ACOT13: variants seen among roughly 807,000 people sequenced by gnomAD.
ACOT13 encodes acyl-coenzyme A thioesterase 13.
Under a neutral mutation model 11.8 loss-of-function variants are expected in ACOT13, and 10 were observed. The observed-to-expected ratio is 0.85, with a 90% CI of 0.53 to 1.44. ACOT13 has a LOEUF of 1.44. Ranked by LOEUF, ACOT13 falls within the 40% of genes most tolerant of loss-of-function variation. ACOT13 has a pLI of 0.00. For synonymous variants in ACOT13, 53 were observed against 61.0 expected (o/e 0.87, Z 0.61); for missense variants, 172 against 174.1 (o/e 0.99, Z 0.07).
Position 24,667,299 on chromosome 6 carries a change from A to G in ACOT13, c.36A>G (p.Ile12Met). The part of the protein sequence containing the change: ...TSMTQSLREV[I>M]KAMTKARNFE... ...TGACTCAGTCTCTGCGGGAGGTGAT[A>G]AAGGCCATGACCAAGGCTCGCAATT... Residue 12 changes from isoleucine to methionine, a missense_variant, in exon 1 of 3, where the codon ATA becomes ATG. Transcript: ENST00000230048. 6.2e-7 allele frequency: 1 copy of G among 1,614,228 alleles called. No individual in the cohort carries two copies. The highest frequency in any genetic ancestry group is 1.1e-5 in the South Asian group (1 of 91,080).
At chr6:24,673,997 A>T (rs986320561) in intron 1 of ACOT13, among the ~76,000 whole-genome samples, 1 of 152,050 alleles carries the variant, frequency 6.6e-6, no homozygotes, top group African/African-American at 2.4e-5. Context: ...CATCTCTCTT[A>T]TTTCCTGATT....
chr6:24,689,963 A>G (rs1361449373), intron 1 of ACOT13, among the ~76,000 whole-genome samples: 2 of 152,232 alleles, frequency 1.3e-5, no homozygotes, highest in Non-Finnish European at 2.9e-5. Context: ...TTTCTCTGCC[A>G]TGGAACATAG....
rs1778827525 is a variant in ACOT13 at position 24,698,056 on chromosome 6, T to C, written c.255T>C (p.Asp85=). 2.5e-6 allele frequency: 4 copies of C among 1,608,018 alleles called. No homozygotes were observed. Among genetic ancestry groups the C allele is most frequent in the Non-Finnish European group, 2.5e-6 (3 of 1,177,524 alleles). ...GGGGAGCACCCGGAGTCAGTGTCGA[T>C]ATGAACATAACGTATGTATCCAAAC... The part of the protein sequence containing the change: ...TERGAPGVSV[D]MNITYMSPAK... Residue 85 remains aspartate (D), a synonymous_variant, in exon 2 of 3, where the codon GAT becomes GAC. Transcript: ENST00000230048.
At chr6:24,667,503 G>A (rs1043867328) in intron 1 of ACOT13, among the ~76,000 whole-genome samples, 159 bp downstream of exon 1, 1 of 152,156 alleles carries the variant, frequency 6.6e-6, no homozygotes, top group Non-Finnish European at 1.5e-5. Flanking sequence ...CTTTAATGGA[G>A]CCCCTAAATA....
At chr6:24,671,397 TTG>T (rs1778362588) in intron 1 of ACOT13, among the ~76,000 whole-genome samples, 1 of 151,176 alleles carries the variant, frequency 6.6e-6, no homozygotes, top group Non-Finnish European at 1.5e-5. Context: ...TCACTCATAG[TTG>T]GGAATTGAAC....
chr6:24,690,445 G>C (rs1273424918), intron 1 of ACOT13, among the ~76,000 whole-genome samples: 1 of 152,138 alleles, frequency 6.6e-6, no homozygotes, highest in African/African-American at 2.4e-5. Context: ...TGTGATAGAG[G>C]CCTTCAGAGC....
intron 2 of ACOT13, 137 bp downstream of exon 2, chr6:24,698,204 G>T: frequency 1.3e-6 from 1 of 785,596 alleles, no homozygotes; most frequent in Non-Finnish European, 1.8e-6. Context: ...TATAGATTTT[G>T]TCCTAAAATA....
chr6:24,678,092 T>A (rs532049810), intron 1 of ACOT13, among the ~76,000 whole-genome samples: 37 of 152,252 alleles, frequency 2.4e-4, no homozygotes, highest in African/African-American at 8.2e-4. Flanking sequence ...TTGGCTCAAG[T>A]CTTGGGCTAA....
Position 24,702,679 on chromosome 6 carries a change from AAAAAT to A in ACOT13, c.*1071_*1075del, listed in dbSNP as rs1437956551. On this transcript the variant is annotated 3_prime_UTR_variant, in exon 3 of 3. Coordinates refer to ENST00000230048, the MANE Select transcript of ACOT13 (RefSeq NM_018473.4). ...AATATATGAACTACAGCCCATATTG[AAAAAT>A]AAAATAGATTGAGCCATATGCCTAA... 6.6e-6 allele frequency: 1 copy of A among 152,156 alleles called. No homozygotes were observed. Among genetic ancestry groups the A allele is most frequent in the Non-Finnish European group, 1.5e-5 (1 of 68,032 alleles). 9.4% of individuals were successfully genotyped at this position (152,156 alleles called of 1,614,324 possible). A position where few individuals can be genotyped will look rare whatever the true frequency, so the allele number is the denominator to read the frequency against.
At chr6:24,690,985 T>C (rs1387244053) in intron 1 of ACOT13, among the ~76,000 whole-genome samples, 1 of 152,274 alleles carries the variant, frequency 6.6e-6, no homozygotes, top group Non-Finnish European at 1.5e-5. Flanking sequence ...TAGAACTTTC[T>C]GTATATTATT....
At chr6:24,682,764 AC>A (rs1778574340) in intron 1 of ACOT13, among the ~76,000 whole-genome samples, 1 of 151,880 alleles carries the variant, frequency 6.6e-6, no homozygotes, top group South Asian at 2.1e-4. Context: ...ACAAACATGG[AC>A]CAGAAGAGTG....
At chr6:24,698,412 C>T (rs1296318855) in intron 2 of ACOT13, among the ~76,000 whole-genome samples, 1 of 152,132 alleles carries the variant, frequency 6.6e-6, no homozygotes, top group Non-Finnish European at 1.5e-5. Flanking sequence ...CAGGGCCAGA[C>T]GCAGTGGCTC....
chr6:24,693,850 A>G (rs1275141679), intron 1 of ACOT13, among the ~76,000 whole-genome samples: 1 of 151,830 alleles, frequency 6.6e-6, no homozygotes, highest in Non-Finnish European at 1.5e-5. Flanking sequence ...CAGCCTCCCA[A>G]GTAGTTGGGA....
At chr6:24,694,184 C>G (rs143310561) in intron 1 of ACOT13, among the ~76,000 whole-genome samples, 2 of 152,220 alleles carry the variant, frequency 1.3e-5, no homozygotes, top group Non-Finnish European at 2.9e-5. Flanking sequence ...TGCCAACCTA[C>G]TGCAATTGTC....
chr6:24,687,585 AGAG>A, intron 1 of ACOT13: 1 of 1,464,054 alleles, frequency 6.8e-7, no homozygotes, highest in Non-Finnish European at 9.0e-7. Flanking sequence ...TGAGATGTCA[AGAG>A]GAGGAACACA....
intron 1 of ACOT13, 52 bp downstream of exon 1, chr6:24,667,396 C>CA (rs1453911687): frequency 4.5e-6 from 7 of 1,547,946 alleles, no homozygotes; most frequent in Non-Finnish European, 5.3e-6. Context: ...GAAAAGAAAG[C>CA]ACCGTGCTTG....
chr6:24,694,937 C>T (rs1239431726), intron 1 of ACOT13, among the ~76,000 whole-genome samples: 1 of 152,166 alleles, frequency 6.6e-6, no homozygotes, highest in Non-Finnish European at 1.5e-5. Context: ...ATTTGTCTTA[C>T]ATTTTGTCAT....
chr6:24,672,017 T>A (rs953400310), intron 1 of ACOT13, among the ~76,000 whole-genome samples: 1 of 152,226 alleles, frequency 6.6e-6, no homozygotes, highest in Non-Finnish European at 1.5e-5. Context: ...AATTATGCCA[T>A]TTTTGGACTT....
At chr6:24,698,427 C>T (rs564656087) in intron 2 of ACOT13, among the ~76,000 whole-genome samples, 1 of 152,300 alleles carries the variant, frequency 6.6e-6, no homozygotes, top group African/African-American at 2.4e-5. Context: ...TGGCTCACGC[C>T]TATAATCCCA....
Sources: gnomAD v4.1 joint callset for allele counts (sites outside exome capture counted in the v4.1 genomes callset) on GRCh38, gnomAD v4.1.1 for gene constraint, MANE v1.5 for transcripts, NCBI Gene and HGNC (gene_info 2026-07-23, HGNC 2026-07-21) for gene names.